EIF4G3: variants seen among roughly 807,000 people sequenced by gnomAD.
The protein encoded by EIF4G3 is eukaryotic translation initiation factor 4 gamma 3.
In EIF4G3, 34 loss-of-function variants were observed where a neutral mutation model predicts 186.4. The observed-to-expected ratio is 0.18, with a 90% CI of 0.14 to 0.24. The LOEUF (loss-of-function observed/expected upper bound fraction) is 0.24. Ranked by LOEUF, EIF4G3 falls within the 10% of genes least tolerant of loss-of-function variation. EIF4G3 has a pLI of 1.00. For missense variants in EIF4G3, 1,536 were observed against 1,948.5 expected, an observed-to-expected ratio of 0.79 and a Z score of 3.99; for synonymous variants, 673 against 679.5, an observed-to-expected ratio of 0.99 and a Z score of 0.15.
chr1:20,898,655 C>T (rs535179689), intron 16 of EIF4G3, among the ~76,000 whole-genome samples: 3 of 152,208 alleles, frequency 2.0e-5, no homozygotes, highest in African/African-American at 7.2e-5. Context: ...TGGTATTTTA[C>T]ACTCAAACCC....
chr1:21,023,837 A>C (rs1250972033), intron 4 of EIF4G3, among the ~76,000 whole-genome samples: 2 of 128,794 alleles, frequency 1.6e-5, no homozygotes, highest in African/African-American at 6.1e-5. Flanking sequence ...GGCCGCCATC[A>C]CATCTACGAA....
intron 11 of EIF4G3, among the ~76,000 whole-genome samples, chr1:20,970,767 C>A (rs571399982): frequency 5.3e-5 from 8 of 152,234 alleles, no homozygotes; most frequent in Middle Eastern, 3.4e-3. Context: ...AGTTTGAGAC[C>A]AGCCTGGCCA....
At position 20,810,351 on chromosome 1, in the gene EIF4G3, T is replaced by G. The variant is rs757528445; in HGVS notation, c.4744+387A>C. Among the ~76,000 whole-genome samples, 11 of 152,152 alleles carry G rather than the reference T, an allele frequency of 7.2e-5. No individual in the cohort carries two copies. The highest frequency in any genetic ancestry group is 1.3e-4 in the Non-Finnish European group (9 of 68,026). On this transcript the variant is annotated intron_variant, in intron 36 of 36. Transcript: ENST00000602326. The surrounding 1 kb of genome is among the most constrained non-coding windows in gnomAD (Gnocchi z 4.1). Reference sequence around the variant, plus strand: ...TTGTATTTTTAGTAGAGACAGGGTTTCACTGTGTTAGCCAGGATGGTCTCG... The same window carrying G: ...TTGTATTTTTAGTAGAGACAGGGTTGCACTGTGTTAGCCAGGATGGTCTCG...
intron 4 of EIF4G3, among the ~76,000 whole-genome samples, chr1:21,045,807 CAG>C (rs1040577812): frequency 6.7e-6 from 1 of 149,478 alleles, no homozygotes; most frequent in Non-Finnish European, 1.5e-5. Flanking sequence ...AAAAAAAAAA[CAG>C]AATGAAACAA....
chr1:20,946,911 C>T lies in EIF4G3; in HGVS notation c.823+3092G>A, dbSNP rs141396678. Among the ~76,000 whole-genome samples, 18 of 151,972 alleles carry T rather than the reference C, an allele frequency of 1.2e-4. No individual in the cohort carries two copies. The East Asian group carries it at 3.3e-3, about 28-fold the overall frequency. On this transcript the variant is annotated intron_variant, in intron 13 of 36. Transcript: ENST00000602326. ...GATTGTGTAACTGAGTACAAACTCT[C>T]AGTAAAGACATTTCTATTGAGAAAG...
intron 4 of EIF4G3, among the ~76,000 whole-genome samples, chr1:21,042,124 C>A (rs1290130329): frequency 6.6e-6 from 1 of 151,712 alleles, no homozygotes; most frequent in Non-Finnish European, 1.5e-5. Context: ...TCAGGTGAGA[C>A]GAGAGGCCCA....
At chr1:21,138,232 T>C (rs992595559) in intron 2 of EIF4G3, among the ~76,000 whole-genome samples, 1 of 152,196 alleles carries the variant, frequency 6.6e-6, no homozygotes, top group Non-Finnish European at 1.5e-5. Context: ...TTAAATGACC[T>C]GTCCATCCAT....
At chr1:21,093,428 G>A (rs540287840) in intron 2 of EIF4G3, among the ~76,000 whole-genome samples, 239 of 152,268 alleles carry the variant, frequency 1.6e-3, no homozygotes, top group Non-Finnish European at 2.8e-3. Context: ...TTAGAATGGC[G>A]ATCATTAAAA....
chr1:21,143,490 T>C (rs761567424), intron 2 of EIF4G3, among the ~76,000 whole-genome samples: 9 of 152,172 alleles, frequency 5.9e-5, no homozygotes, highest in South Asian at 2.1e-4. Flanking sequence ...ATAGAAAGTC[T>C]GGAGAAAGAC....
intron 2 of EIF4G3, among the ~76,000 whole-genome samples, chr1:21,143,553 C>T (rs1482395938): frequency 1.3e-5 from 2 of 152,244 alleles, no homozygotes; most frequent in Admixed American, 6.5e-5. Flanking sequence ...CATTTACTAA[C>T]GTTATGTCTA....
intron 2 of EIF4G3, among the ~76,000 whole-genome samples, chr1:21,105,752 A>G (rs1365696746): frequency 6.6e-6 from 1 of 152,186 alleles, no homozygotes; most frequent in Non-Finnish European, 1.5e-5. Context: ...TTTAGGTGGG[A>G]AACAGCTGTG....
chr1:20,939,885 C>G (rs545760841), intron 14 of EIF4G3, among the ~76,000 whole-genome samples: 91 of 121,724 alleles, frequency 7.5e-4, no homozygotes, highest in African/African-American at 2.5e-3. Context: ...GATGGAGTCT[C>G]GATCTGTTGC....
At position 20,864,348 on chromosome 1, in the gene EIF4G3, C is replaced by G. The variant is rs1168703653; in HGVS notation, c.3006+128G>C. On this transcript the variant is annotated intron_variant, in intron 22 of 36. Coordinates refer to ENST00000602326, the MANE Select transcript of EIF4G3 (RefSeq NM_001391906.1). ...CGATGGTTGAACACTGACAATGAGA[C>G]GGGCAAAAGAAGAAAAATAAACAGC... 9.5e-6 allele frequency: 7 copies of G among 735,524 alleles called. No homozygotes were observed. In the Middle Eastern group the frequency reaches 1.6e-3, roughly 168 times the overall value. The allele number at this position is 735,524 out of a possible 1,614,324, so 45.6% of individuals were successfully genotyped here. A position where few individuals can be genotyped will look rare whatever the true frequency, so the allele number is the denominator to read the frequency against.
intron 4 of EIF4G3, among the ~76,000 whole-genome samples, chr1:21,008,421 C>T (rs1416811086): frequency 6.6e-6 from 1 of 152,114 alleles, no homozygotes; most frequent in Non-Finnish European, 1.5e-5. Flanking sequence ...ACTGCAACCT[C>T]CCCCTCCTGG....
chr1:20,877,904 T>G (rs1021913457), intron 20 of EIF4G3, among the ~76,000 whole-genome samples: 1 of 152,166 alleles, frequency 6.6e-6, no homozygotes, highest in Non-Finnish European at 1.5e-5. Flanking sequence ...AGTGTTGTGG[T>G]GCAATCTCTG....
At chr1:21,027,569 G>A (rs2092300100) in intron 4 of EIF4G3, among the ~76,000 whole-genome samples, 1 of 151,920 alleles carries the variant, frequency 6.6e-6, no homozygotes, top group African/African-American at 2.4e-5. Context: ...GGCAGAGGTT[G>A]CAGTGAGCCG....
chr1:20,816,924 T>C (rs1052808966), intron 34 of EIF4G3, among the ~76,000 whole-genome samples: 3 of 140,558 alleles, frequency 2.1e-5, no homozygotes, highest in Non-Finnish European at 4.6e-5. Flanking sequence ...CTTGGGATCC[T>C]GTTGATCTGT....
intron 4 of EIF4G3, among the ~76,000 whole-genome samples, chr1:21,037,105 T>C (rs2093268152): frequency 6.6e-6 from 1 of 152,086 alleles, no homozygotes; most frequent in African/African-American, 2.4e-5. Context: ...AGCTGGAATA[T>C]TAAGATTCCC....
At chr1:21,083,075 T>TAAAAAAAAAAA (rs1553217323) in intron 3 of EIF4G3, among the ~76,000 whole-genome samples, 3 of 110,046 alleles carry the variant, frequency 2.7e-5, no homozygotes, top group African/African-American at 8.1e-5. Context: ...AAAAAAAAAG[T>TAAAAAAAAAAA]TTAAAAAATT....
Sources: gnomAD v4.1 joint callset for allele counts (sites outside exome capture counted in the v4.1 genomes callset) on GRCh38, gnomAD v4.1.1 for gene constraint, Gnocchi (gnomAD v3.1) non-coding constraint, MANE v1.5 for transcripts, NCBI Gene and HGNC (gene_info 2026-07-23, HGNC 2026-07-21) for gene names.